Variants in THSD7B observed in about 807,000 individuals in gnomAD.
The protein encoded by THSD7B is thrombospondin type 1 domain containing 7B.
Under a neutral mutation model 213.6 loss-of-function variants are expected in THSD7B, and 138 were observed. The observed-to-expected ratio is 0.65, with a 90% CI of 0.56 to 0.74. The LOEUF is 0.74. Ranked by LOEUF, THSD7B falls within the 30% of genes least tolerant of loss-of-function variation. The pLI is 0.00. For synonymous variants in THSD7B, 742 were observed against 687.0 expected, an observed-to-expected ratio of 1.08 and a Z score of -1.25; for missense variants, 1,931 against 1,991.5, an observed-to-expected ratio of 0.97 and a Z score of 0.58.
intron 2 of THSD7B, among the ~76,000 whole-genome samples, chr2:137,036,937 AC>A (rs1686787007): frequency 6.6e-6 from 1 of 151,490 alleles, no homozygotes; most frequent in Non-Finnish European, 1.5e-5. Context: ...TGCTCACATC[AC>A]CCCCCTTCTC....
chr2:137,138,250 T>C (rs1679509443), intron 5 of THSD7B, among the ~76,000 whole-genome samples: 1 of 152,160 alleles, frequency 6.6e-6, no homozygotes. Context: ...AGTAAGTAAT[T>C]GAGAGTGAAA....
intron 1 of THSD7B, among the ~76,000 whole-genome samples, chr2:136,827,704 C>G (rs1211199048): frequency 6.6e-6 from 1 of 151,582 alleles, no homozygotes; most frequent in Admixed American, 6.6e-5. Flanking sequence ...TGAGTTAATG[C>G]TTACAAAGAT....
intron 12 of THSD7B, among the ~76,000 whole-genome samples, chr2:137,328,293 CATTT>C (rs1251133437): frequency 2.6e-5 from 4 of 152,148 alleles, no homozygotes; most frequent in Non-Finnish European, 5.9e-5. Context: ...ACAACAAACA[CATTT>C]ATGCACAAAT....
At chr2:137,616,059 C>T (rs1397444275) in intron 17 of THSD7B, 116 bp from the exon 18 acceptor site, 17 of 1,051,354 alleles carry the variant, frequency 1.6e-5, no homozygotes, top group Non-Finnish European at 2.3e-5. Flanking sequence ...ATGTTTAACC[C>T]TCTAGATAAT....
chr2:136,774,943 T>C (rs894750936), intron 1 of THSD7B, among the ~76,000 whole-genome samples: 2 of 152,148 alleles, frequency 1.3e-5, no homozygotes, highest in African/African-American at 2.4e-5. Context: ...GTAAGCTATA[T>C]GAATAAATTC....
rs1686660290 is a variant in THSD7B, at chr2:137,411,811, A to G, written c.2898A>G (p.Arg966=). ...AATGTGGAGAAGGCCTGCGCTTTCG[A>G]GCAGTAGCCTGTTCTGATAAAAATG... The part of the protein sequence containing the change: ...SKECGEGLRF[R]AVACSDKNGR... The change falls in exon 14 of 28, where the codon CGA becomes CGG. Residue 966 remains arginine (R), a synonymous_variant. Coordinates refer to ENST00000409968, the MANE Select transcript of THSD7B (RefSeq NM_001316349.2). 6.2e-7 allele frequency: 1 copy of G among 1,613,986 alleles called. No homozygotes were observed. Among genetic ancestry groups the G allele is most frequent in the East Asian group, 2.2e-5 (1 of 44,864 alleles).
chr2:137,112,977 A>C (rs1210400673), intron 4 of THSD7B, among the ~76,000 whole-genome samples: 1 of 152,202 alleles, frequency 6.6e-6, no homozygotes, highest in Non-Finnish European at 1.5e-5. Flanking sequence ...TTCTGATTCA[A>C]ACCAAGTTGG....
intron 5 of THSD7B, among the ~76,000 whole-genome samples, chr2:137,142,545 A>T (rs985618855): frequency 9.2e-5 from 14 of 152,146 alleles, no homozygotes. Flanking sequence ...CTTGTCTATT[A>T]TACTATCTTA....
At chr2:137,178,457 A>T (rs564427129) in intron 7 of THSD7B, among the ~76,000 whole-genome samples, 2 of 152,214 alleles carry the variant, frequency 1.3e-5, no homozygotes, top group Non-Finnish European at 2.9e-5. Flanking sequence ...TGCAGTTGGA[A>T]GTGTCAATAA....
chr2:137,384,867 G>A lies in THSD7B; in HGVS notation c.2501-20746G>A, dbSNP rs187632384. On this transcript the variant is annotated intron_variant, in intron 12 of 27. Transcript: ENST00000409968. ...GAAGATTCTACCCTGGAACTCCTGG[G>A]CCACTCATCACATGGCCCCTACAAA... 5.9e-5 allele frequency among the ~76,000 whole-genome samples: 9 copies of A among 152,184 alleles called. No individual in the cohort carries two copies. The East Asian group carries it at 9.7e-4, about 16-fold the overall frequency.
intron 1 of THSD7B, among the ~76,000 whole-genome samples, chr2:136,777,730 C>T (rs1681640784): frequency 6.6e-6 from 1 of 151,912 alleles, no homozygotes; most frequent in South Asian, 2.1e-4. Context: ...GATACTTGGC[C>T]AAAAAGAATA....
intron 7 of THSD7B, among the ~76,000 whole-genome samples, chr2:137,229,962 A>C (rs1295615879): frequency 6.6e-6 from 1 of 152,174 alleles, no homozygotes; most frequent in African/African-American, 2.4e-5. Context: ...TCAAAGCCAT[A>C]AAGTCATACA....
At chr2:137,493,111 ACT>A (rs796602731) in intron 15 of THSD7B, among the ~76,000 whole-genome samples, 29 of 101,786 alleles carry the variant, frequency 2.8e-4, no homozygotes, top group African/African-American at 1.2e-3. Context: ...ACAGAGTGAC[ACT>A]CTCTCTCTCA....
intron 15 of THSD7B, among the ~76,000 whole-genome samples, chr2:137,521,519 C>G (rs1351570924): frequency 6.6e-6 from 1 of 152,046 alleles, no homozygotes; most frequent in Non-Finnish European, 1.5e-5. Context: ...CTCATTGGAC[C>G]CTTTCTCTTC....
intron 2 of THSD7B, among the ~76,000 whole-genome samples, chr2:136,980,281 T>C (rs1319452071): frequency 6.6e-6 from 1 of 152,172 alleles, no homozygotes; most frequent in African/African-American, 2.4e-5. Flanking sequence ...GGCTGCCCCT[T>C]GGTGGAACAA....
rs1553481982 is a variant in THSD7B, at chr2:137,238,564, T to TTTC, written c.2151-3893_2151-3892insTTC. Among the ~76,000 whole-genome samples the TTTC allele has an allele frequency of 1.3e-3, 107 of 83,410 alleles. 6 individuals carry two copies. Among genetic ancestry groups the TTTC allele is most frequent in the South Asian group, 2.1e-3 (4 of 1,876 alleles). The allele number at this position is 83,410 out of a possible 152,430, so 54.7% of individuals were successfully genotyped here. A position where few individuals can be genotyped will look rare whatever the true frequency, so the allele number is the denominator to read the frequency against. On this transcript the variant is annotated intron_variant, in intron 9 of 27. Transcript: ENST00000409968. ...TTTTTTTTTTTTTTTTTTTTTTTTT[T>TTTC]GAGACGGAGTCTCGCTCTGTCGCCC...
At chr2:137,433,683 A>G (rs1303052795) in intron 14 of THSD7B, among the ~76,000 whole-genome samples, 1 of 152,138 alleles carries the variant, frequency 6.6e-6, no homozygotes, top group East Asian at 1.9e-4. Context: ...GGCCATTTCA[A>G]TACTGCTTTT....
At chr2:137,615,534 T>C (rs997988059) in intron 17 of THSD7B, among the ~76,000 whole-genome samples, 5 of 152,172 alleles carry the variant, frequency 3.3e-5, no homozygotes, top group African/African-American at 1.2e-4. Flanking sequence ...CAGGAGGACA[T>C]GTGGAGCCAC....
At chr2:137,554,886 A>C (rs1286474426) in intron 15 of THSD7B, among the ~76,000 whole-genome samples, 2 of 152,108 alleles carry the variant, frequency 1.3e-5, no homozygotes, top group Non-Finnish European at 2.9e-5. Flanking sequence ...AGTAAACAGC[A>C]CACCAAATTA....
Sources: allele counts gnomAD v4.1 joint callset (sites outside exome capture counted in the v4.1 genomes callset), GRCh38; gene constraint gnomAD v4.1.1; transcripts MANE v1.5; gene names NCBI Gene and HGNC (gene_info 2026-07-23, HGNC 2026-07-21).